Variants in SPAG9 observed in about 807,000 individuals in gnomAD.
SPAG9 encodes sperm associated antigen 9.
Under a neutral mutation model 166.5 loss-of-function variants are expected in SPAG9, and 35 were observed. That is an observed-to-expected ratio of 0.21 (90% CI 0.16 to 0.28). SPAG9 has a LOEUF of 0.28. Among genes scored for constraint, SPAG9 ranks in the 10% least tolerant of loss-of-function variants. The probability of loss-of-function intolerance (pLI) is 1.00; values close to 1 mark genes in which losing one functional copy is unlikely to be tolerated. For synonymous variants in SPAG9, 534 were observed against 565.5 expected (o/e 0.94, Z 0.79); for missense variants, 1,235 against 1,603.3 (o/e 0.77, Z 3.92).
At chr17:51,009,504 T>C (rs2045373333) in intron 9 of SPAG9, among the ~76,000 whole-genome samples, 4 of 152,180 alleles carry the variant, frequency 2.6e-5, no homozygotes, top group Admixed American at 2.6e-4. Flanking sequence ...ATTATCCTAC[T>C]TGGCTTGCAC....
intron 25 of SPAG9, among the ~76,000 whole-genome samples, chr17:50,981,531 A>AGAG (rs1567959559): frequency 7.8e-6 from 1 of 128,622 alleles, no homozygotes; most frequent in Non-Finnish European, 1.7e-5. Context: ...GATAGATAGA[A>AGAG]AGAAAGAAAG....
rs551439193 is a variant in SPAG9 at position 51,054,522 on chromosome 17, C to T, written c.495+1890G>A. On this transcript the variant is annotated intron_variant, in intron 3 of 29. Transcript: ENST00000262013. ...CGTGATCTCGGCTCACTGCAAGCTC[C>T]GCCTCCTGGGTTCACACCATTCTCC... Among the ~76,000 whole-genome samples the T allele has an allele frequency of 1.1e-4, 17 of 151,754 alleles. No homozygotes were observed. In the South Asian group the frequency reaches 3.1e-3, roughly 28 times the overall value.
At chr17:51,073,189 G>C (rs372305661) in intron 2 of SPAG9, among the ~76,000 whole-genome samples, 1 of 152,090 alleles carries the variant, frequency 6.6e-6, no homozygotes, top group Admixed American at 6.6e-5. Flanking sequence ...TTTTCCGGGC[G>C]TGGTGGTGGG....
At chr17:51,107,926 G>A (rs1451724304) in intron 1 of SPAG9, among the ~76,000 whole-genome samples, 1 of 150,862 alleles carries the variant, frequency 6.6e-6, no homozygotes, top group African/African-American at 2.4e-5. Flanking sequence ...AAAAAAAAAA[G>A]GGAGGGGGGC....
At chr17:50,975,751 C>A in intron 27 of SPAG9, 2 of 774,140 alleles carry the variant, frequency 2.6e-6, no homozygotes, top group South Asian at 3.3e-5. Flanking sequence ...GCAGTGACTG[C>A]AAGTGGATAA....
At chr17:51,106,473 A>T (rs2048954387) in intron 1 of SPAG9, among the ~76,000 whole-genome samples, 1 of 152,074 alleles carries the variant, frequency 6.6e-6, no homozygotes, top group African/African-American at 2.4e-5. Flanking sequence ...TGTCTGTTTC[A>T]TTAGTGGCTA....
chr17:50,979,612 T>G, intron 26 of SPAG9, 134 bp downstream of exon 26: 1 of 781,434 alleles, frequency 1.3e-6, no homozygotes, highest in Middle Eastern at 3.9e-4. Context: ...TATAGTGTGC[T>G]ATGACTGCAC....
intron 1 of SPAG9, among the ~76,000 whole-genome samples, chr17:51,080,642 C>A (rs370066916): frequency 6.6e-6 from 1 of 151,764 alleles, no homozygotes; most frequent in African/African-American, 2.4e-5. Flanking sequence ...TAGCACTTTG[C>A]GAGGCTGAGG....
intron 2 of SPAG9, among the ~76,000 whole-genome samples, chr17:51,060,629 C>A (rs566740762): frequency 5.3e-5 from 8 of 151,562 alleles, no homozygotes; most frequent in Non-Finnish European, 1.2e-4. Context: ...AGGCAAAAGG[C>A]CATATTAGGA....
intron 1 of SPAG9, among the ~76,000 whole-genome samples, chr17:51,099,776 A>AAC (rs1168943531): frequency 5.7e-4 from 85 of 149,088 alleles, no homozygotes; most frequent in Non-Finnish European, 9.0e-4. Context: ...AAAAAAAAAA[A>AAC]AAAAAAAAAA....
Position 50,984,943 on chromosome 17 carries a change from G to C in SPAG9, c.3068C>G (p.Ala1023Gly), listed in dbSNP as rs1974934122. Reference sequence around the variant, plus strand: ...CTCACCCACTCCTCTGTGAAAGATTGCAAGGGTGCCGTCAGCCAGGGCTAC... The same window carrying C: ...CTCACCCACTCCTCTGTGAAAGATTCCAAGGGTGCCGTCAGCCAGGGCTAC... ...VLVALADGTL[A>G]IFHRGVDGQW... is the part of the protein sequence containing the mutation. Residue 1023 changes from alanine (A) to glycine (G), a missense_variant, in exon 24 of 30, where the codon GCA becomes GGA. Around this residue, in one of 6 missense-constraint regions of SPAG9, gnomAD observed 493 missense variants for 559.4 expected, o/e 0.88. Coordinates refer to ENST00000262013, the MANE Select transcript of SPAG9 (RefSeq NM_001130528.3). 3 of 1,614,008 alleles carry C rather than the reference G, an allele frequency of 1.9e-6. No homozygotes were observed. In the African/African-American group the frequency reaches 4.0e-5, roughly 22 times the overall value.
intron 2 of SPAG9, among the ~76,000 whole-genome samples, chr17:51,067,707 G>GT (rs1242006443): frequency 1.4e-5 from 2 of 147,470 alleles, no homozygotes; most frequent in Non-Finnish European, 3.0e-5. Flanking sequence ...TTTCTGGGGA[G>GT]TAAAAAAAAA....
chr17:51,080,886 CAAAAAAAAAAA>C (rs200436430), intron 1 of SPAG9, among the ~76,000 whole-genome samples: 23 of 67,840 alleles, frequency 3.4e-4, no homozygotes, highest in South Asian at 9.9e-4. Flanking sequence ...GACTCTATCT[CAAAAAAAAAAA>C]AAAAAAAAAA....
At chr17:50,998,724 A>G (rs1350468492) in intron 14 of SPAG9, 107 bp from the exon 15 acceptor site, 18 of 1,090,196 alleles carry the variant, frequency 1.7e-5, no homozygotes, top group Admixed American at 2.4e-5. Flanking sequence ...TTTACAAGGC[A>G]ATGAGTTAGA....
intron 3 of SPAG9, among the ~76,000 whole-genome samples, chr17:51,048,921 C>T (rs567669283): frequency 3.3e-5 from 5 of 152,216 alleles, no homozygotes; most frequent in Non-Finnish European, 7.4e-5. Context: ...ACCATTTACA[C>T]AACAGTTTTG....
chr17:50,975,435 C>A, intron 27 of SPAG9: 1 of 203,720 alleles, frequency 4.9e-6, no homozygotes, highest in Non-Finnish European at 9.8e-6. Flanking sequence ...AGAATCCAGC[C>A]ACTACAATAG....
At chr17:51,117,789 C>T (rs956219024) in intron 1 of SPAG9, among the ~76,000 whole-genome samples, 2 of 150,008 alleles carry the variant, frequency 1.3e-5, no homozygotes, top group Non-Finnish European at 3.0e-5. Context: ...ACATATTGGC[C>T]AAAGGGAGAC....
At chr17:51,097,408 AG>A (rs1440686198) in intron 1 of SPAG9, among the ~76,000 whole-genome samples, 1 of 152,150 alleles carries the variant, frequency 6.6e-6, no homozygotes, top group East Asian at 1.9e-4. Context: ...TAGCTGGGCA[AG>A]GTGGCACATG....
intron 9 of SPAG9, among the ~76,000 whole-genome samples, chr17:51,012,877 A>C (rs929040807): frequency 6.6e-6 from 1 of 151,646 alleles, no homozygotes; most frequent in Non-Finnish European, 1.5e-5. Context: ...CCTCCCAAGC[A>C]GCTGAACTAC....
Sources: allele counts gnomAD v4.1 joint callset (sites outside exome capture counted in the v4.1 genomes callset), GRCh38; gene constraint gnomAD v4.1.1; regional missense constraint gnomAD v4.1.1; transcripts MANE v1.5; gene names NCBI Gene and HGNC (gene_info 2026-07-23, HGNC 2026-07-21).